The following PXDNL variants were observed in gnomAD, a reference collection of about 807,000 sequenced individuals.
The protein encoded by PXDNL is peroxidasin like, also known as probable oxidoreductase PXDNL.
In PXDNL, 145 loss-of-function variants were observed where a neutral mutation model predicts 150.8. The ratio of observed to expected loss-of-function variants is 0.96; its 90% confidence interval spans 0.84 to 1.10. The LOEUF is 1.10. Ranked by LOEUF, PXDNL falls within the 50% of genes least tolerant of loss-of-function variation. The pLI, the probability that PXDNL is intolerant of heterozygous loss-of-function variation, is 0.00. For missense variants in PXDNL, 2,087 were observed against 1,873.9 expected, an observed-to-expected ratio of 1.11 and a Z score of -2.10; for synonymous variants, 757 against 725.7, an observed-to-expected ratio of 1.04 and a Z score of -0.69.
At position 51,644,370 on chromosome 8, in the gene PXDNL, A is replaced by G. The variant is rs796147123; in HGVS notation, c.236+10319T>C. Among the ~76,000 whole-genome samples, 37 of 52,774 alleles carry G rather than the reference A, an allele frequency of 7.0e-4. 1 individual carries two copies. The highest frequency in any genetic ancestry group is 2.5e-3 in the Admixed American group (12 of 4,708). 34.6% of individuals were successfully genotyped at this position (52,774 alleles called of 152,430 possible). On this transcript the variant is annotated intron_variant, in intron 2 of 22. Coordinates refer to ENST00000356297, the MANE Select transcript of PXDNL (RefSeq NM_144651.5). Reference sequence around the variant, plus strand: ...CACACACACACACACACACATATGTATATATATACACACACATATGTGTAT... The same window carrying G: ...CACACACACACACACACACATATGTGTATATATACACACACATATGTGTAT...
chr8:51,514,225 G>A (rs1292787547), intron 4 of PXDNL, among the ~76,000 whole-genome samples: 1 of 152,160 alleles, frequency 6.6e-6, no homozygotes, highest in Admixed American at 6.5e-5. Context: ...ACATTTAGAG[G>A]ATAATAGGGA....
Position 51,475,150 on chromosome 8 carries a change from G to A in PXDNL, c.525-9C>T, listed in dbSNP as rs774040403. On this transcript the variant is annotated splice_polypyrimidine_tract_variant and intron_variant, in intron 6 of 22. Coordinates refer to ENST00000356297, the MANE Select transcript of PXDNL (RefSeq NM_144651.5). ...CGTTGGAATCCAGACGCCTAGGCAT[G>A]CAGGCAAGAAGTACAACTGTTAAAA... 1 of 1,609,560 alleles carries A rather than the reference G, an allele frequency of 6.2e-7. No homozygotes were observed. The highest frequency in any genetic ancestry group is 8.5e-7 in the Non-Finnish European group (1 of 1,176,704).
chr8:51,598,733 T>C (rs756242895), intron 2 of PXDNL, among the ~76,000 whole-genome samples: 7 of 152,258 alleles, frequency 4.6e-5, no homozygotes, highest in Admixed American at 1.3e-4. Context: ...GATGTGCGTA[T>C]CTAGGTGATG....
chr8:51,456,462 C>T (rs1344119788), intron 9 of PXDNL, among the ~76,000 whole-genome samples: 2 of 152,206 alleles, frequency 1.3e-5, no homozygotes, highest in Non-Finnish European at 2.9e-5. Context: ...CAAGTGCTCC[C>T]CTCCACTGGG....
At chr8:51,520,351 C>A (rs1402500742) in intron 4 of PXDNL, among the ~76,000 whole-genome samples, 1 of 152,032 alleles carries the variant, frequency 6.6e-6, no homozygotes, top group Admixed American at 6.6e-5. Flanking sequence ...AAGGGGCGAG[C>A]GCTTTGAATA....
intron 1 of PXDNL, among the ~76,000 whole-genome samples, chr8:51,656,924 C>T (rs929235104): frequency 6.6e-6 from 1 of 152,192 alleles, no homozygotes; most frequent in Admixed American, 6.5e-5. Context: ...TCAGACATAA[C>T]ATTTCTATAT....
intron 12 of PXDNL, among the ~76,000 whole-genome samples, chr8:51,435,328 TA>T (rs892037820): frequency 6.9e-4 from 99 of 143,068 alleles, no homozygotes; most frequent in African/African-American, 1.0e-3. Flanking sequence ...CTCAAAAAAC[TA>T]AAAAAAAAAA....
intron 12 of PXDNL, among the ~76,000 whole-genome samples, chr8:51,430,033 A>G (rs1193679354): frequency 1.3e-5 from 2 of 152,068 alleles, no homozygotes; most frequent in African/African-American, 4.8e-5. Context: ...GATCCAATCA[A>G]GAAGTCTCCA....
intron 3 of PXDNL, among the ~76,000 whole-genome samples, chr8:51,591,085 G>C (rs1056785317): frequency 6.9e-6 from 1 of 145,554 alleles, no homozygotes; most frequent in Non-Finnish European, 1.5e-5. Flanking sequence ...ATTATCATGG[G>C]AGTGGATTAG....
chr8:51,544,748 C>T (rs982922169), intron 4 of PXDNL, among the ~76,000 whole-genome samples: 12 of 152,108 alleles, frequency 7.9e-5, no homozygotes, highest in African/African-American at 2.4e-5. Flanking sequence ...TATTTTTATA[C>T]TCATTGTGAA....
At chr8:51,448,786 G>C (rs1319501796) in intron 11 of PXDNL, among the ~76,000 whole-genome samples, 2 of 152,126 alleles carry the variant, frequency 1.3e-5, no homozygotes, top group African/African-American at 4.8e-5. Flanking sequence ...CCGAGTCCCA[G>C]AGGGGATGAT....
chr8:51,639,429 A>C (rs1485875567), intron 2 of PXDNL, among the ~76,000 whole-genome samples: 1 of 152,184 alleles, frequency 6.6e-6, no homozygotes, highest in African/African-American at 2.4e-5. Flanking sequence ...TTTTTTGAAA[A>C]GATAAACAAA....
intron 11 of PXDNL, 107 bp from the exon 12 acceptor site, chr8:51,447,269 G>T: frequency 8.7e-7 from 1 of 1,148,758 alleles, no homozygotes. Flanking sequence ...GGAAATTCTC[G>T]GTGCTAGGGT....
chr8:51,396,169 C>G lies in PXDNL; in HGVS notation c.3557+11898G>C, dbSNP rs1021603082. 9.5e-4 allele frequency among the ~76,000 whole-genome samples: 145 copies of G among 152,208 alleles called. 1 individual carries two copies. The highest frequency in any genetic ancestry group is 3.4e-3 in the African/African-American group (140 of 41,512). On this transcript the variant is annotated intron_variant, in intron 17 of 22. Coordinates refer to ENST00000356297, the MANE Select transcript of PXDNL (RefSeq NM_144651.5). ...TGCGAGAAGAAAGGGATGGGCTAGACGGGGAATGGGAATTTGACTGCAGAT... is the reference window on the plus strand; with the variant it reads ...TGCGAGAAGAAAGGGATGGGCTAGAGGGGGAATGGGAATTTGACTGCAGAT...
Position 51,578,435 on chromosome 8 carries a change from G to A in PXDNL, c.308+14192C>T, listed in dbSNP as rs1029406667. ...AAACCTACCAAAAGCTTTAGATAAT[G>A]TTTATTTTAAAACTATAAAACACTG... is the stretch of plus-strand genomic sequence containing the variant. On this transcript the variant is annotated intron_variant, in intron 3 of 22. Coordinates refer to ENST00000356297, the MANE Select transcript of PXDNL (RefSeq NM_144651.5). Among the ~76,000 whole-genome samples, 6 of 151,802 alleles carry A rather than the reference G, an allele frequency of 4.0e-5. No individual in the cohort carries two copies. In the East Asian group the frequency reaches 5.8e-4, roughly 15 times the overall value.
intron 1 of PXDNL, among the ~76,000 whole-genome samples, chr8:51,707,198 A>G (rs1485221735): frequency 6.6e-6 from 1 of 152,220 alleles, no homozygotes; most frequent in Non-Finnish European, 1.5e-5. Flanking sequence ...TGTCCAGTGG[A>G]ATAAATAATC....
rs147221890 is a variant in PXDNL at position 51,695,407 on chromosome 8, T to C, written c.165-40647A>G. Among the ~76,000 whole-genome samples, 57 of 152,282 alleles carry C rather than the reference T, an allele frequency of 3.7e-4. 1 individual carries two copies. The East Asian group carries it at 5.4e-3, about 14-fold the overall frequency. On this transcript the variant is annotated intron_variant, in intron 1 of 22. Transcript: ENST00000356297. ...AGAATTGGCACATATTAGGTTCCCA[T>C]CTTATCATTATTATTACCAATTATA... is the stretch of plus-strand genomic sequence containing the variant.
At chr8:51,485,817 T>C (rs1205346341) in intron 5 of PXDNL, among the ~76,000 whole-genome samples, 2 of 152,202 alleles carry the variant, frequency 1.3e-5, no homozygotes, top group African/African-American at 2.4e-5. Flanking sequence ...ACAAGTATTG[T>C]TGAATAACCT....
chr8:51,626,205 T>C (rs752635524), intron 2 of PXDNL, among the ~76,000 whole-genome samples: 7 of 152,244 alleles, frequency 4.6e-5, no homozygotes, highest in South Asian at 2.1e-4. Flanking sequence ...CTGCCACTGT[T>C]CTGATAGTTT....
Sources: allele counts gnomAD v4.1 joint callset (sites outside exome capture counted in the v4.1 genomes callset), GRCh38; gene constraint gnomAD v4.1.1; transcripts MANE v1.5; gene names NCBI Gene and HGNC (gene_info 2026-07-23, HGNC 2026-07-21).